Variants in MYO3B observed in about 807,000 individuals in gnomAD.
MYO3B encodes myosin-IIIb.
A neutral mutation model predicts 174.6 loss-of-function variants in MYO3B; 156 were observed. That is an observed-to-expected ratio of 0.89 (90% confidence interval 0.78 to 1.02). The LOEUF (loss-of-function observed/expected upper bound fraction) is 1.02. MYO3B is among the 50% of genes least tolerant of loss of function. The probability of loss-of-function intolerance (pLI) is 0.00; values close to 1 mark genes in which losing one functional copy is unlikely to be tolerated. For synonymous variants in MYO3B, 563 were observed against 569.1 expected (o/e 0.99, Z 0.15); for missense variants, 1,632 against 1,639.4 (o/e 1.00, Z 0.08).
intron 22 of MYO3B, among the ~76,000 whole-genome samples, chr2:170,434,198 G>C (rs943992470): frequency 6.6e-6 from 1 of 152,112 alleles, no homozygotes; most frequent in South Asian, 2.1e-4. Flanking sequence ...CTATAGGTTT[G>C]TGTTTTTTTG....
chr2:170,500,049 A>G (rs1343095462), intron 27 of MYO3B, among the ~76,000 whole-genome samples: 2 of 152,150 alleles, frequency 1.3e-5, no homozygotes, highest in African/African-American at 2.4e-5. Flanking sequence ...AGGTGCTGAA[A>G]TCACAGCCAT....
rs567470182 is a variant in MYO3B at position 170,431,071 on chromosome 2, A to G, written c.2651-12896A>G. Among the ~76,000 whole-genome samples, 17 of 152,296 alleles carry G rather than the reference A, an allele frequency of 1.1e-4. No homozygotes were observed. The South Asian group carries it at 3.5e-3, about 32-fold the overall frequency. On this transcript the variant is annotated intron_variant, in intron 22 of 34. Transcript: ENST00000408978. ...CCTCATGACATGGGTGCTGACAGAC[A>G]TGTGTATGTGGCTTTTATTTTATTG...
chr2:170,559,272 CT>C (rs1316971560), intron 32 of MYO3B, among the ~76,000 whole-genome samples: 3 of 152,204 alleles, frequency 2.0e-5, no homozygotes, highest in Middle Eastern at 3.2e-3. Context: ...GCCATTTTAG[CT>C]TCTTAAATGT....
rs867354197 is a variant in MYO3B at position 170,400,655 on chromosome 2, C to T, written c.1918+341C>T. On this transcript the variant is annotated intron_variant, in intron 17 of 34. Coordinates refer to ENST00000408978, the MANE Select transcript of MYO3B (RefSeq NM_138995.5). ...CCTGACCTCATGATCCACCCCCCCCCCCTCGGCCTCCCAAAGTGTTGGGAT... is the reference window on the plus strand; with the variant it reads ...CCTGACCTCATGATCCACCCCCCCCTCCTCGGCCTCCCAAAGTGTTGGGAT... 9.0e-5 allele frequency among the ~76,000 whole-genome samples: 12 copies of T among 133,518 alleles called. 1 individual carries two copies. The highest frequency in any genetic ancestry group is 2.7e-4 in the African/African-American group (10 of 37,260). The allele number at this position is 133,518 out of a possible 152,430, so 87.6% of individuals were successfully genotyped here.
intron 7 of MYO3B, among the ~76,000 whole-genome samples, chr2:170,270,567 C>T (rs911637055): frequency 1.3e-5 from 2 of 152,178 alleles, no homozygotes; most frequent in African/African-American, 4.8e-5. Flanking sequence ...GCTTTGACTT[C>T]ATGTTGTTTA....
Position 170,439,018 on chromosome 2 carries a change from G to T in MYO3B, c.2651-4949G>T, listed in dbSNP as rs976214892. Among the ~76,000 whole-genome samples the T allele has an allele frequency of 2.0e-5, 3 of 150,466 alleles. No homozygotes were observed. In the South Asian group the frequency reaches 6.3e-4, roughly 31 times the overall value. On this transcript the variant is annotated intron_variant, in intron 22 of 34. Coordinates refer to ENST00000408978, the MANE Select transcript of MYO3B (RefSeq NM_138995.5). ...ATACTGAGTATCTCTTCATATACCG[G>T]TTAGCCATTTGTATGCCTTCTTTGG...
intron 9 of MYO3B, among the ~76,000 whole-genome samples, chr2:170,376,253 C>T (rs547083801): frequency 6.6e-6 from 1 of 152,260 alleles, no homozygotes; most frequent in South Asian, 2.1e-4. Flanking sequence ...ATATTTGACT[C>T]TCAGTAGAAT....
At chr2:170,332,140 G>A (rs1306464718) in intron 7 of MYO3B, 1 of 152,212 alleles carries the variant, frequency 6.6e-6, no homozygotes, top group Non-Finnish European at 1.5e-5. Context: ...GGAGAATGTA[G>A]AATCCAGGTT....
At chr2:170,624,357 T>C (rs1476373474) in intron 32 of MYO3B, among the ~76,000 whole-genome samples, 1 of 152,032 alleles carries the variant, frequency 6.6e-6, no homozygotes, top group African/African-American at 2.4e-5. Context: ...AGTTCACTCA[T>C]GATTTGTCTG....
chr2:170,502,291 G>A (rs1559063222), intron 28 of MYO3B, among the ~76,000 whole-genome samples: 1 of 152,214 alleles, frequency 6.6e-6, no homozygotes, highest in Non-Finnish European at 1.5e-5. Flanking sequence ...TCTGTTAAAT[G>A]AGAGCGCTGG....
intron 12 of MYO3B, 48 bp downstream of exon 12, chr2:170,383,862 T>C (rs749248353): frequency 2.1e-6 from 3 of 1,437,994 alleles, no homozygotes; most frequent in Non-Finnish European, 2.9e-6. Context: ...TTAAGACATG[T>C]TGTGTCTTCC....
At chr2:170,628,791 G>C (rs977487658) in intron 32 of MYO3B, among the ~76,000 whole-genome samples, 2 of 152,122 alleles carry the variant, frequency 1.3e-5, no homozygotes, top group Non-Finnish European at 2.9e-5. Context: ...AGCATCTTTT[G>C]TGAAGCTTTA....
intron 32 of MYO3B, among the ~76,000 whole-genome samples, chr2:170,632,062 A>G (rs1365426738): frequency 1.5e-5 from 2 of 136,134 alleles, no homozygotes; most frequent in Non-Finnish European, 1.5e-5. Flanking sequence ...CCCACTGTCA[A>G]TATTAGATCA....
intron 22 of MYO3B, among the ~76,000 whole-genome samples, chr2:170,419,020 T>C (rs1000497450): frequency 3.3e-5 from 5 of 152,266 alleles, no homozygotes; most frequent in African/African-American, 7.2e-5. Context: ...TCTGAGGACA[T>C]AGAAGAAATC....
rs542056846 is a variant in MYO3B, at chr2:170,651,626, A to C, written c.3734-2A>C. 11 of 1,613,544 alleles carry C rather than the reference A, an allele frequency of 6.8e-6. No individual in the cohort carries two copies. The highest frequency in any genetic ancestry group is 8.5e-6 in the Non-Finnish European group (10 of 1,179,760). ...TACAGCAAAGTTTTGCTCTTTTTTCAGGTTCAGAAAATGGTCTTGCACAGA... is the reference window on the plus strand; with the variant it reads ...TACAGCAAAGTTTTGCTCTTTTTTCCGGTTCAGAAAATGGTCTTGCACAGA... On this transcript the variant is annotated splice_acceptor_variant, in intron 32 of 34. Coordinates refer to ENST00000408978, the MANE Select transcript of MYO3B (RefSeq NM_138995.5). LOFTEE classifies it high-confidence loss of function.
intron 32 of MYO3B, among the ~76,000 whole-genome samples, chr2:170,633,156 G>T (rs1261429130): frequency 3.3e-5 from 5 of 152,210 alleles, no homozygotes. Flanking sequence ...AAGCCTGGCA[G>T]AGACACAACA....
intron 3 of MYO3B, among the ~76,000 whole-genome samples, chr2:170,209,290 A>G (rs2092746581): frequency 6.6e-6 from 1 of 152,218 alleles, no homozygotes; most frequent in Non-Finnish European, 1.5e-5. Flanking sequence ...AGGGACATAT[A>G]TGCTCCAAAT....
At chr2:170,407,660 C>A in intron 21 of MYO3B, 55 bp from the exon 22 acceptor site, 1 of 1,605,628 alleles carries the variant, frequency 6.2e-7, no homozygotes, top group Non-Finnish European at 8.5e-7. Flanking sequence ...TTGCCAGTGT[C>A]ACCAATGACG....
In MYO3B at chr2:170,214,816, C is replaced by G; in HGVS notation, c.514C>G (p.Leu172Val). The G allele has an allele frequency of 1.2e-6, 2 of 1,613,308 alleles. No homozygotes were observed. The highest frequency in any genetic ancestry group is 1.7e-6 in the Non-Finnish European group (2 of 1,179,342). Residue 172 changes from leucine to valine, a missense_variant, in exon 5 of 35, where the codon CTC becomes GTC. Coordinates refer to ENST00000408978, the MANE Select transcript of MYO3B (RefSeq NM_138995.5). ...TCTGACAACAGAAGGAGGAGTTAAG[C>G]TCGTTGACTTTGGTAATGACTGCTT... Reference protein sequence around the residue: ...ILLTTEGGVKLVDFGVSAQLT... With the variant: ...ILLTTEGGVKVVDFGVSAQLT...
Sources: allele counts gnomAD v4.1 joint callset (sites outside exome capture counted in the v4.1 genomes callset), GRCh38; gene constraint gnomAD v4.1.1; transcripts MANE v1.5; gene names NCBI Gene and HGNC (gene_info 2026-07-23, HGNC 2026-07-21).